XRRA1: variants seen among roughly 807,000 people sequenced by gnomAD.
XRRA1 encodes X-ray radiation resistance-associated protein 1.
XRRA1 carries 69 observed loss-of-function variants against 80.2 expected under a neutral mutation model. That is an observed-to-expected ratio of 0.86 (90% CI 0.71 to 1.05). The LOEUF (loss-of-function observed/expected upper bound fraction) is 1.05. XRRA1 is among the 50% of genes least tolerant of loss of function. XRRA1 has a pLI of 0.00. For missense variants in XRRA1, 967 were observed against 976.4 expected, an observed-to-expected ratio of 0.99 and a Z score of 0.13; for synonymous variants, 348 against 389.9, an observed-to-expected ratio of 0.89 and a Z score of 1.27.
chr11:74,890,284 C>G (rs924748887), intron 10 of XRRA1, among the ~76,000 whole-genome samples: 3 of 152,184 alleles, frequency 2.0e-5, no homozygotes, highest in African/African-American at 4.8e-5. Context: ...AACTGAACAA[C>G]CTGCTCCTGA....
chr11:74,888,363 T>C (rs2137110773), intron 10 of XRRA1, among the ~76,000 whole-genome samples: 1 of 152,334 alleles, frequency 6.6e-6, no homozygotes, highest in South Asian at 2.1e-4. Context: ...CTTAGGGTCC[T>C]GACTGTTAGA....
intron 12 of XRRA1, among the ~76,000 whole-genome samples, chr11:74,853,913 T>C (rs1358465354): frequency 1.3e-5 from 2 of 152,208 alleles, no homozygotes; most frequent in East Asian, 1.9e-4. Flanking sequence ...ATTTGGGTCC[T>C]TGGGGAACTC....
chr11:74,900,128 G>T (rs1485534431), intron 10 of XRRA1, among the ~76,000 whole-genome samples: 1 of 151,668 alleles, frequency 6.6e-6, no homozygotes, highest in Non-Finnish European at 1.5e-5. Context: ...AACCGCCACT[G>T]CACTCCAGCC....
chr11:74,929,063 C>G (rs189086977), intron 6 of XRRA1, among the ~76,000 whole-genome samples: 9 of 152,330 alleles, frequency 5.9e-5, no homozygotes, highest in Admixed American at 4.6e-4. Flanking sequence ...AAGCTCCTGA[C>G]AGACCACCCT....
At chr11:74,892,242 A>G (rs1476318903) in intron 10 of XRRA1, among the ~76,000 whole-genome samples, 1 of 152,208 alleles carries the variant, frequency 6.6e-6, no homozygotes, top group Non-Finnish European at 1.5e-5. Flanking sequence ...GCCCTCAGAA[A>G]TAACGCTGCA....
chr11:74,938,107 A>G (rs1591610241), intron 3 of XRRA1, among the ~76,000 whole-genome samples: 1 of 152,234 alleles, frequency 6.6e-6, no homozygotes, highest in Non-Finnish European at 1.5e-5. Context: ...TAATAATAAT[A>G]TAAGGGGTGC....
intron 10 of XRRA1, among the ~76,000 whole-genome samples, chr11:74,865,693 A>G (rs1164443765): frequency 6.6e-6 from 1 of 152,202 alleles, no homozygotes; most frequent in Non-Finnish European, 1.5e-5. Context: ...AGATCCCAAC[A>G]TGCCCCAGTC....
At position 74,843,092 on chromosome 11, in the gene XRRA1, T is replaced by C; in HGVS notation, c.*108A>G. On this transcript the variant is annotated 3_prime_UTR_variant, in exon 19 of 19. Transcript: ENST00000684022. ...CAGCAAGTGGGGCCCAGCTGAGCTC[T>C]GAGGCCTGTGGCCGGCTGGTCAACC... 2.8e-6 allele frequency: 4 copies of C among 1,408,314 alleles called. No homozygotes were observed. Among genetic ancestry groups the C allele is most frequent in the Non-Finnish European group, 3.8e-6 (4 of 1,064,822 alleles). 87.2% of individuals were successfully genotyped at this position (1,408,314 alleles called of 1,614,324 possible).
At chr11:74,882,647 A>G (rs993827824) in intron 10 of XRRA1, among the ~76,000 whole-genome samples, 1 of 151,918 alleles carries the variant, frequency 6.6e-6, no homozygotes, top group Admixed American at 6.6e-5. Flanking sequence ...GGTTTTATCT[A>G]CTTTTGGTCT....
intron 18 of XRRA1, 72 bp from the exon 19 acceptor site, chr11:74,843,525 G>C: frequency 6.5e-7 from 1 of 1,541,750 alleles, no homozygotes; most frequent in South Asian, 1.2e-5. Flanking sequence ...AAGAGGATTG[G>C]GTCCAGAGAC....
intron 8 of XRRA1, among the ~76,000 whole-genome samples, chr11:74,917,416 T>C (rs922471757): frequency 6.6e-6 from 1 of 152,164 alleles, no homozygotes; most frequent in African/African-American, 2.4e-5. Context: ...AGTGTGAAGA[T>C]TATTTGTGTC....
chr11:74,870,067 G>T (rs1367397039), intron 10 of XRRA1, among the ~76,000 whole-genome samples: 1 of 152,146 alleles, frequency 6.6e-6, no homozygotes, highest in African/African-American at 2.4e-5. Flanking sequence ...CTTTCATTTT[G>T]GGGCCTTCTG....
chr11:74,848,416 T>TG lies in XRRA1; in HGVS notation c.1426dup (p.His476ProfsTer24). 2 of 1,613,638 alleles carry TG rather than the reference T, an allele frequency of 1.2e-6. No homozygotes were observed. Among genetic ancestry groups the TG allele is most frequent in the Non-Finnish European group, 1.7e-6 (2 of 1,179,636 alleles). The stretch of plus-strand genomic sequence containing the variant: ...CTTGGTTGTCGTCATGCGCGGGTGA[T>TG]GGAGCACCAGAGGCTGCTTCGGCAC... On this transcript the variant is annotated frameshift_variant, in exon 15 of 19. Coordinates refer to ENST00000684022, the MANE Select transcript of XRRA1 (RefSeq NM_001378157.1). LOFTEE classifies it high-confidence loss of function.
chr11:74,876,448 A>G (rs1173921569), intron 10 of XRRA1: 1 of 152,198 alleles, frequency 6.6e-6, no homozygotes, highest in African/African-American at 2.4e-5. Context: ...AAATTGGTTA[A>G]GCATGTAACC....
chr11:74,878,474 C>T (rs1224885064), intron 10 of XRRA1, among the ~76,000 whole-genome samples: 1 of 152,172 alleles, frequency 6.6e-6, no homozygotes, highest in African/African-American at 2.4e-5. Flanking sequence ...TTAATCAGAT[C>T]CCATTTGTCA....
chr11:74,930,341 G>A lies in XRRA1; in HGVS notation c.383C>T (p.Ser128Phe), dbSNP rs1290033843. 2.6e-6 allele frequency: 4 copies of A among 1,566,728 alleles called. No homozygotes were observed. Among genetic ancestry groups the A allele is most frequent in the Non-Finnish European group, 3.5e-6 (4 of 1,154,784 alleles). Residue 128 changes from serine (S) to phenylalanine (F), a missense_variant, in exon 6 of 19, where the codon TCT becomes TTT. Transcript: ENST00000684022. ...AKENDFKHFH[S>F]VIYINASENL... The stretch of plus-strand genomic sequence containing the variant: ...TTCTGAGGCATTGATATAAATCACA[G>A]AATGAAAATGCTTGAAGTCATTTTC...
chr11:74,878,337 G>T (rs1160614163), intron 10 of XRRA1, among the ~76,000 whole-genome samples: 1 of 151,668 alleles, frequency 6.6e-6, no homozygotes, highest in Non-Finnish European at 1.5e-5. Flanking sequence ...AAATTTGTTT[G>T]AGTTCATTGT....
chr11:74,888,151 G>C (rs984229718), intron 10 of XRRA1, among the ~76,000 whole-genome samples: 1 of 152,174 alleles, frequency 6.6e-6, no homozygotes, highest in African/African-American at 2.4e-5. Flanking sequence ...CCCCCGAGTA[G>C]CCTAACTGGG....
At position 74,843,887 on chromosome 11, in the gene XRRA1, G is replaced by A. The variant is rs774611913; in HGVS notation, c.2116C>T (p.Arg706Trp). 1.4e-5 allele frequency: 23 copies of A among 1,612,504 alleles called. 1 individual carries two copies. Among genetic ancestry groups the A allele is most frequent in the South Asian group, 1.3e-4 (12 of 90,590 alleles). The change falls in exon 18 of 19, where the codon CGG (arginine) becomes TGG (tryptophan). Residue 706 changes from arginine to tryptophan, a missense_variant. Coordinates refer to ENST00000684022, the MANE Select transcript of XRRA1 (RefSeq NM_001378157.1). ...GCCTCTGTAATGTTCCGGGGATCCCGCAAGCGAATGAAGATGTCATCCAGA... is the reference window on the plus strand; with the variant it reads ...GCCTCTGTAATGTTCCGGGGATCCCACAAGCGAATGAAGATGTCATCCAGA... ...QLLDDIFIRL[R>W]DPRNITEAPL...
Sources: allele counts gnomAD v4.1 joint callset (sites outside exome capture counted in the v4.1 genomes callset), GRCh38; gene constraint gnomAD v4.1.1; transcripts MANE v1.5; gene names NCBI Gene and HGNC (gene_info 2026-07-23, HGNC 2026-07-21).